KLF8: variants seen among roughly 807,000 people sequenced by gnomAD.
KLF8 encodes KLF transcription factor 8.
KLF8 carries 10 observed loss-of-function variants against 18.2 expected under a neutral mutation model. The ratio of observed to expected loss-of-function variants is 0.55; its 90% CI spans 0.34 to 0.93. The LOEUF is 0.93. KLF8 is among the 40% of genes least tolerant of loss of function. The pLI is 0.02. For missense variants in KLF8, 264 were observed against 277.9 expected (o/e 0.95, Z 0.36); for synonymous variants, 109 against 97.3 (o/e 1.12, Z -0.71).
At chrX:56,043,058 T>C in the KLF8 span, among the ~76,000 whole-genome samples, 26 of 111,944 alleles carry the variant, frequency 2.3e-4, no homozygotes, top group South Asian at 9.4e-3. Flanking sequence ...ATATCTTATT[T>C]CTCCTTTGCT....
the KLF8 span, among the ~76,000 whole-genome samples, chrX:56,045,773 T>G: frequency 8.9e-6 from 1 of 111,763 alleles, no homozygotes; most frequent in Non-Finnish European, 1.9e-5. Flanking sequence ...GAATTTTTGC[T>G]GAATGCATTT....
At chrX:56,068,870 G>A in the KLF8 span, among the ~76,000 whole-genome samples, 1 of 112,232 alleles carries the variant, frequency 8.9e-6, no homozygotes, top group Non-Finnish European at 1.9e-5. Flanking sequence ...AGCCATGCAG[G>A]TAATGCTTGC....
chrX:56,267,064 T>G (rs1215432957), intron 3 of KLF8: 1 of 752,199 alleles, frequency 1.3e-6, no homozygotes, highest in Admixed American at 8.8e-5. Context: ...CGTGTGACAG[T>G]TTATGCTGAG....
the KLF8 span, among the ~76,000 whole-genome samples, chrX:56,225,983 G>T: frequency 8.9e-6 from 1 of 112,500 alleles, no homozygotes; most frequent in Non-Finnish European, 1.9e-5. Flanking sequence ...CATAAAAAGA[G>T]AGGTATACTA....
chrX:55,920,791 A>G, the KLF8 span, among the ~76,000 whole-genome samples: 2 of 112,250 alleles, frequency 1.8e-5, no homozygotes, highest in Admixed American at 1.9e-4. Context: ...ATCCAAACCT[A>G]AGAATAATTG....
the KLF8 span, among the ~76,000 whole-genome samples, chrX:56,055,992 T>C: frequency 8.9e-6 from 1 of 111,810 alleles, no homozygotes; most frequent in African/African-American, 3.3e-5. Flanking sequence ...TTAGCTTATA[T>C]AGATTCGGTT....
chrX:56,189,332 C>T, the KLF8 span, among the ~76,000 whole-genome samples: 1 of 111,974 alleles, frequency 8.9e-6, no homozygotes, highest in South Asian at 3.7e-4. Flanking sequence ...TATTATCTCA[C>T]ACCAGTTAGA....
chrX:56,229,450 C>A (rs1359461571), upstream of KLF8, among the ~76,000 whole-genome samples: 1 of 111,659 alleles, frequency 9.0e-6, no homozygotes, highest in African/African-American at 3.3e-5. Flanking sequence ...TTTATTCTAG[C>A]CAGCTAAAGA....
the KLF8 span, among the ~76,000 whole-genome samples, chrX:56,031,668 G>A: frequency 8.9e-6 from 1 of 111,773 alleles, no homozygotes; most frequent in Non-Finnish European, 1.9e-5. Flanking sequence ...CTAAGGGGCT[G>A]CCTCGGCTGT....
the KLF8 span, among the ~76,000 whole-genome samples, chrX:56,083,822 G>A: frequency 3.6e-5 from 4 of 111,358 alleles, no homozygotes; most frequent in African/African-American, 9.8e-5. Context: ...TATGTTGCAG[G>A]CTCCTTATGA....
chrX:56,158,923 G>A, the KLF8 span, among the ~76,000 whole-genome samples: 2 of 111,587 alleles, frequency 1.8e-5, no homozygotes. Flanking sequence ...CCAACACTAT[G>A]TTGAATAGGA....
At chrX:56,079,311 G>A in the KLF8 span, among the ~76,000 whole-genome samples, 3 of 110,440 alleles carry the variant, frequency 2.7e-5, no homozygotes, top group African/African-American at 9.9e-5. Context: ...ACACTGCTTT[G>A]AATGCATCCC....
the KLF8 span, among the ~76,000 whole-genome samples, chrX:56,181,734 C>G: frequency 1.8e-5 from 2 of 110,213 alleles, no homozygotes; most frequent in Non-Finnish European, 1.9e-5. Context: ...ATTAGTTTGG[C>G]TGGATATGAA....
chrX:55,973,627 A>G, the KLF8 span, among the ~76,000 whole-genome samples: 1 of 112,451 alleles, frequency 8.9e-6, no homozygotes, highest in Admixed American at 9.4e-5. Context: ...AGAAATAAAA[A>G]TCAAAACCAC....
chrX:56,129,882 G>T, the KLF8 span, among the ~76,000 whole-genome samples: 4 of 110,268 alleles, frequency 3.6e-5, no homozygotes, highest in East Asian at 1.2e-3. Flanking sequence ...GCTGGGTAAG[G>T]CCTGTAACTT....
chrX:55,977,659 T>G, the KLF8 span, among the ~76,000 whole-genome samples: 5 of 111,759 alleles, frequency 4.5e-5, no homozygotes, highest in Non-Finnish European at 9.4e-5. Flanking sequence ...GAATGCACTT[T>G]TATTATGTGT....
chrX:55,924,365 C>T, the KLF8 span, among the ~76,000 whole-genome samples: 1 of 112,108 alleles, frequency 8.9e-6, no homozygotes, highest in Non-Finnish European at 1.9e-5. Context: ...GCTTGAGCCA[C>T]TGCGCCCGGC....
At chrX:55,920,402 A>G in the KLF8 span, among the ~76,000 whole-genome samples, 1 of 111,788 alleles carries the variant, frequency 8.9e-6, no homozygotes, top group Non-Finnish European at 1.9e-5. Context: ...CTCACCAGCA[A>G]TGGATCCAAA....
the KLF8 span, among the ~76,000 whole-genome samples, chrX:56,071,527 G>T: frequency 8.9e-6 from 1 of 111,973 alleles, no homozygotes; most frequent in Non-Finnish European, 1.9e-5. Flanking sequence ...AATTAATTTT[G>T]TTCATTGTCT....
Sources: gnomAD v4.1 joint callset for allele counts (sites outside exome capture counted in the v4.1 genomes callset) on GRCh38, gnomAD v4.1.1 for gene constraint, MANE v1.5 for transcripts, NCBI Gene and HGNC (gene_info 2026-07-23, HGNC 2026-07-21) for gene names.